Variants in GLIS3 observed in about 807,000 individuals in gnomAD.
GLIS3 encodes the protein zinc finger protein GLIS3.
GLIS3 carries 53 observed loss-of-function variants against 78.6 expected under a neutral mutation model. The observed-to-expected ratio is 0.67, with a 90% CI of 0.54 to 0.85. The LOEUF is 0.85. Ranked by LOEUF, GLIS3 falls within the 40% of genes least tolerant of loss-of-function variation. GLIS3 has a pLI of 0.00. For missense variants in GLIS3, 1,703 were observed against 1,231.1 expected, an observed-to-expected ratio of 1.38 and a Z score of -5.74; for synonymous variants, 684 against 509.9, an observed-to-expected ratio of 1.34 and a Z score of -4.60.
chr9:4,064,708 C>T (rs1336722150), intron 4 of GLIS3, among the ~76,000 whole-genome samples: 2 of 152,138 alleles, frequency 1.3e-5, no homozygotes, highest in Non-Finnish European at 2.9e-5. Context: ...GCAGGAGAAT[C>T]ACCTGAAGCT....
intron 2 of GLIS3, among the ~76,000 whole-genome samples, chr9:4,314,645 C>T (rs1191970861): frequency 6.6e-6 from 1 of 152,168 alleles, no homozygotes; most frequent in Non-Finnish European, 1.5e-5. Context: ...AAGATGCTTC[C>T]ACTAGCAGTT....
chr9:4,247,403 A>G (rs1029967007), intron 2 of GLIS3, among the ~76,000 whole-genome samples: 1 of 152,198 alleles, frequency 6.6e-6, no homozygotes, highest in African/African-American at 2.4e-5. Context: ...TATAAACAGA[A>G]GCATAATATA....
intron 6 of GLIS3, among the ~76,000 whole-genome samples, chr9:3,931,777 A>T (rs1225078491): frequency 6.6e-6 from 1 of 152,170 alleles, no homozygotes; most frequent in Non-Finnish European, 1.5e-5. Context: ...AACTTTGAAA[A>T]TGCGTTCACC....
intron 4 of GLIS3, among the ~76,000 whole-genome samples, chr9:4,057,515 G>C (rs571398882): frequency 6.6e-6 from 1 of 151,780 alleles, no homozygotes; most frequent in Non-Finnish European, 1.5e-5. Flanking sequence ...TTCATTTCCT[G>C]GAAAAAGCTT....
chr9:4,267,648 C>T (rs1348873719), intron 2 of GLIS3, among the ~76,000 whole-genome samples: 2 of 152,160 alleles, frequency 1.3e-5, no homozygotes, highest in Non-Finnish European at 2.9e-5. Context: ...ATCAGGTTTC[C>T]TCACTAGCTC....
At chr9:4,178,373 A>G (rs888487279) in intron 2 of GLIS3, among the ~76,000 whole-genome samples, 2 of 152,148 alleles carry the variant, frequency 1.3e-5, no homozygotes, top group African/African-American at 4.8e-5. Flanking sequence ...CATATGACCT[A>G]TGATCACTTA....
intron 4 of GLIS3, among the ~76,000 whole-genome samples, chr9:3,952,146 G>C (rs980814310): frequency 6.6e-6 from 1 of 151,886 alleles, no homozygotes; most frequent in Non-Finnish European, 1.5e-5. Context: ...CTAGACTTTT[G>C]GTGTTTATTA....
chr9:3,911,985 A>G (rs1824185771), intron 6 of GLIS3, among the ~76,000 whole-genome samples: 1 of 152,120 alleles, frequency 6.6e-6, no homozygotes. Context: ...CGACATGGCA[A>G]GAGGAAAAGG....
At chr9:3,854,826 G>A (rs1289638470) in intron 9 of GLIS3, among the ~76,000 whole-genome samples, 1 of 152,062 alleles carries the variant, frequency 6.6e-6, no homozygotes, top group Non-Finnish European at 1.5e-5. Context: ...TTACAGGCGT[G>A]AGCCACCATG....
chr9:4,453,959 C>A, the GLIS3 span, among the ~76,000 whole-genome samples: 3 of 151,862 alleles, frequency 2.0e-5, no homozygotes, highest in Non-Finnish European at 4.4e-5. Flanking sequence ...AACAAACCTG[C>A]ACGTTGTGCA....
chr9:4,286,019 T>C lies in GLIS3; in HGVS notation c.388+19A>G. ...AAAATCGTTTCCATTTTTAAAAGGT[T>C]CCAGAAAGACAATCCTACCTTTCCC... On this transcript the variant is annotated intron_variant, in intron 2 of 10. Coordinates refer to ENST00000381971, the MANE Select transcript of GLIS3 (RefSeq NM_001042413.2). 6 of 1,614,056 alleles carry C rather than the reference T, an allele frequency of 3.7e-6. No individual in the cohort carries two copies. The highest frequency in any genetic ancestry group is 1.7e-6 in the Non-Finnish European group (2 of 1,180,016).
Position 4,079,887 on chromosome 9 carries a change from T to TA in GLIS3, c.1710+37880dup, listed in dbSNP as rs1269211512. ...ACATCAACACTGCTCTCTCAAAATT[T>TA]AAAAAAAAGGGAAGAAAATAGAAGA... On this transcript the variant is annotated intron_variant, in intron 4 of 10. Transcript: ENST00000381971. Among the ~76,000 whole-genome samples the TA allele has an allele frequency of 5.9e-5, 9 of 151,312 alleles. 1 individual carries two copies. The South Asian group carries it at 1.3e-3, about 21-fold the overall frequency.
At chr9:4,213,466 G>T (rs752835869) in intron 2 of GLIS3, among the ~76,000 whole-genome samples, 5 of 152,224 alleles carry the variant, frequency 3.3e-5, no homozygotes, top group Non-Finnish European at 7.4e-5. Context: ...TTCTGATGAT[G>T]ATGGAAATGT....
intron 4 of GLIS3, among the ~76,000 whole-genome samples, chr9:3,956,028 C>CCAAAAAAAAAAAAAAAAAAA (rs1491307787): frequency 1.1e-5 from 1 of 87,628 alleles, no homozygotes; most frequent in African/African-American, 4.1e-5. Context: ...CCAGATTCAG[C>CCAAAAAAAAAAAAAAAAAAA]AAAAAAAAAA....
In GLIS3 at chr9:4,146,381, TA is replaced by T. The variant is rs527848539; in HGVS notation, c.389-20441del. ...CTCAAAACTATTTTTCATCAATAATTAGTATTAATAATTAACAAGGGTAAAC... is the reference window on the plus strand; with the variant it reads ...CTCAAAACTATTTTTCATCAATAATTGTATTAATAATTAACAAGGGTAAAC... On this transcript the variant is annotated intron_variant, in intron 2 of 10. Transcript: ENST00000381971. Among the ~76,000 whole-genome samples the T allele has an allele frequency of 4.6e-3, 708 of 152,338 alleles. 2 individuals are homozygous for T. The highest frequency in any genetic ancestry group is 7.8e-3 in the Non-Finnish European group (531 of 68,038).
chr9:4,057,597 C>T (rs1370975790), intron 4 of GLIS3, among the ~76,000 whole-genome samples: 2 of 151,266 alleles, frequency 1.3e-5, no homozygotes, highest in African/African-American at 4.9e-5. Flanking sequence ...AATGTAAAGT[C>T]ACATTTTGTG....
chr9:3,903,706 T>C (rs1361292701), intron 6 of GLIS3, among the ~76,000 whole-genome samples: 1 of 152,096 alleles, frequency 6.6e-6, no homozygotes, highest in Non-Finnish European at 1.5e-5. Flanking sequence ...AGAAGTCAGA[T>C]AATAAACAGT....
At chr9:4,426,553 A>T in the GLIS3 span, among the ~76,000 whole-genome samples, 1 of 152,220 alleles carries the variant, frequency 6.6e-6, no homozygotes, top group Non-Finnish European at 1.5e-5. Context: ...GTAAAAACAG[A>T]TTTCTCTATA....
chr9:4,183,029 C>G (rs1817470607), intron 2 of GLIS3, among the ~76,000 whole-genome samples: 1 of 152,190 alleles, frequency 6.6e-6, no homozygotes, highest in Non-Finnish European at 1.5e-5. Context: ...TTATGGGTAG[C>G]TGACACAGAT....
Sources: gnomAD v4.1 joint callset for allele counts (sites outside exome capture counted in the v4.1 genomes callset) on GRCh38, gnomAD v4.1.1 for gene constraint, MANE v1.5 for transcripts, NCBI Gene and HGNC (gene_info 2026-07-23, HGNC 2026-07-21) for gene names.